The following DMTN variants were observed in gnomAD, a reference collection of about 807,000 sequenced individuals.
The protein encoded by DMTN is dematin actin binding protein, also known as dematin.
In DMTN, 27 loss-of-function variants were observed where a neutral mutation model predicts 59.4. The ratio of observed to expected loss-of-function variants is 0.45; its 90% CI spans 0.33 to 0.63. DMTN has a LOEUF of 0.63. DMTN is among the 20% of genes least tolerant of loss of function. DMTN has a pLI of 0.02. For missense variants in DMTN, 451 were observed against 528.9 expected, an observed-to-expected ratio of 0.85 and a Z score of 1.45; for synonymous variants, 221 against 203.7, an observed-to-expected ratio of 1.08 and a Z score of -0.72.
chr8:22,055,359 A>C (rs1347142488), upstream of DMTN: 1 of 152,276 alleles, frequency 6.6e-6, no homozygotes, highest in Non-Finnish European at 1.5e-5. Context: ...GGTCCGCTGG[A>C]GGGACCGAGA....
At chr8:22,072,249 A>G (rs1243354154) in intron 8 of DMTN, 77 bp from the exon 9 acceptor site, 12 of 1,507,100 alleles carry the variant, frequency 8.0e-6, no homozygotes, top group Non-Finnish European at 1.1e-5. Context: ...AGAGCAGTGC[A>G]CAGAGGCTGT....
chr8:22,078,988 C>G (rs1256428444), intron 10 of DMTN, among the ~76,000 whole-genome samples: 3 of 151,172 alleles, frequency 2.0e-5, no homozygotes, highest in African/African-American at 7.3e-5. Flanking sequence ...TTAGTCGAGA[C>G]GGGGTTTCAC....
rs759940101 is a variant in DMTN at position 22,069,063 on chromosome 8, G to A, written c.294+3G>A. On this transcript the variant is annotated splice_donor_region_variant and intron_variant, in intron 5 of 15. Coordinates refer to ENST00000358242, the MANE Select transcript of DMTN (RefSeq NM_001387751.1). The stretch of plus-strand genomic sequence containing the variant: ...CATCCCCCCCACCATCCCCAGAGGT[G>A]AGTCTGCCCCACACCTGCAACTTGC... The A allele has an allele frequency of 2.5e-6, 4 of 1,611,320 alleles. No homozygotes were observed. In the South Asian group the frequency reaches 3.3e-5, roughly 13 times the overall value.
chr8:22,073,982 C>T, intron 10 of DMTN, 147 bp downstream of exon 10: 1 of 626,422 alleles, frequency 1.6e-6, no homozygotes, highest in Non-Finnish European at 2.8e-6. Flanking sequence ...AGTCATGGAA[C>T]AATGTCAGAT....
In DMTN at chr8:22,080,600, G is replaced by T; in HGVS notation, c.950-18G>T. ...GACCTCAGAGCTGCATCTGACCCAT[G>T]CCCCTTCTCTCCCGCAGGCCTGCAG... On this transcript the variant is annotated intron_variant, in intron 12 of 15. Transcript: ENST00000358242. 6.2e-7 allele frequency: 1 copy of T among 1,610,404 alleles called. No homozygotes were observed. The highest frequency in any genetic ancestry group is 8.5e-7 in the Non-Finnish European group (1 of 1,178,290).
At chr8:22,079,263 TAAATAAATAA>T (rs1389911277) in intron 10 of DMTN, among the ~76,000 whole-genome samples, 3 of 32,978 alleles carry the variant, frequency 9.1e-5, no homozygotes, top group African/African-American at 3.0e-4. Context: ...TAAAAATAAA[TAAATAAATAA>T]ATAAATATAT....
chr8:22,049,944 T>C (rs542637576), upstream of DMTN, among the ~76,000 whole-genome samples: 13 of 152,212 alleles, frequency 8.5e-5, no homozygotes, highest in East Asian at 1.6e-3. Context: ...ACAGTCTCAG[T>C]TGATGGCGAG....
Position 22,067,677 on chromosome 8 carries a change from C to T in DMTN, c.244C>T (p.Arg82Cys), listed in dbSNP as rs748826566. ...GGAACACGTGGAGCTGCCTCGCAGC[C>T]GCGAGGTGAGGGGGCTCCTCTTGGG... Reference protein sequence around the residue: ...LLEHVELPRSRERSLSPKSTS... With the variant: ...LLEHVELPRSCERSLSPKSTS... The change falls in exon 4 of 16, where the codon CGC (arginine) becomes TGC (cysteine). Residue 82 changes from arginine to cysteine, a missense_variant. Transcript: ENST00000358242. 5 of 1,613,782 alleles carry T rather than the reference C, an allele frequency of 3.1e-6. No individual in the cohort carries two copies. Among genetic ancestry groups the T allele is most frequent in the South Asian group, 1.1e-5 (1 of 91,082 alleles).
At chr8:22,070,787 C>T (rs1309338855) in intron 8 of DMTN, among the ~76,000 whole-genome samples, 2 of 152,096 alleles carry the variant, frequency 1.3e-5, no homozygotes, top group Non-Finnish European at 2.9e-5. Flanking sequence ...CTGAATACTG[C>T]ACGTTGTATC....
At chr8:22,078,798 G>GTTTT (rs1224977627) in intron 10 of DMTN, among the ~76,000 whole-genome samples, 1 of 85,090 alleles carries the variant, frequency 1.2e-5, no homozygotes, top group Non-Finnish European at 2.1e-5. Context: ...ATGTCAGACT[G>GTTTT]TTTTTTTTTT....
chr8:22,049,368 G>C (rs1801093136), upstream of DMTN: 1 of 151,336 alleles, frequency 6.6e-6, no homozygotes, highest in Admixed American at 6.6e-5. Flanking sequence ...GCAGCGGCCC[G>C]GCCCGGATGG....
At chr8:22,066,990 G>A (rs1179371773) in intron 2 of DMTN, 95 bp from the exon 3 acceptor site, 5 of 1,276,118 alleles carry the variant, frequency 3.9e-6, no homozygotes, top group Non-Finnish European at 4.0e-6. Flanking sequence ...GCGCAGCGCC[G>A]CGCAGCGCCC....
At chr8:22,075,186 C>CAAAAA (rs201457271) in intron 10 of DMTN, among the ~76,000 whole-genome samples, 2 of 131,324 alleles carry the variant, frequency 1.5e-5, no homozygotes, top group African/African-American at 2.8e-5. Context: ...GACTCTGTCT[C>CAAAAA]AAAAAAAAAA....
intron 10 of DMTN, among the ~76,000 whole-genome samples, chr8:22,075,670 C>T (rs1410295872): frequency 1.3e-5 from 2 of 152,058 alleles, no homozygotes; most frequent in African/African-American, 4.8e-5. Context: ...AGGCACACAC[C>T]ACCATGCCCA....
At position 22,067,577 on chromosome 8, in the gene DMTN, C is replaced by T. The variant is rs1250240503; in HGVS notation, c.144C>T (p.Pro48=). ...GCTACAAGGACCTGGCTGCCATCCC[C>T]AAGGACAAGGCCATCCTGGACATCG... ...VLGYKDLAAI[P]KDKAILDIER... is the part of the protein sequence containing the mutation. The change falls in exon 4 of 16, where the codon CCC becomes CCT. Residue 48 remains proline (P), a synonymous_variant. Coordinates refer to ENST00000358242, the MANE Select transcript of DMTN (RefSeq NM_001387751.1). The T allele has an allele frequency of 5.6e-6, 9 of 1,614,210 alleles. No individual in the cohort carries two copies. The highest frequency in any genetic ancestry group is 6.8e-6 in the Non-Finnish European group (8 of 1,180,036).
chr8:22,069,151 A>G, intron 5 of DMTN, 91 bp downstream of exon 5: 1 of 1,443,136 alleles, frequency 6.9e-7, no homozygotes, highest in Non-Finnish European at 9.5e-7. Context: ...AGCTCTGCAG[A>G]GCCCAGGGAG....
At chr8:22,076,174 G>A (rs149180777) in intron 10 of DMTN, among the ~76,000 whole-genome samples, 7 of 152,226 alleles carry the variant, frequency 4.6e-5, no homozygotes, top group African/African-American at 7.2e-5. Flanking sequence ...GGTTTGAAGT[G>A]CCCCATGTAC....
upstream of DMTN, among the ~76,000 whole-genome samples, chr8:22,051,927 G>T (rs1801392891): frequency 6.6e-6 from 1 of 152,166 alleles, no homozygotes; most frequent in Non-Finnish European, 1.5e-5. Flanking sequence ...CTCCTGTCCA[G>T]CCCTGTCCAG....
At chr8:22,067,892 A>C (rs1812111204) in intron 4 of DMTN, among the ~76,000 whole-genome samples, 3 of 152,224 alleles carry the variant, frequency 2.0e-5, no homozygotes, top group Admixed American at 1.3e-4. Context: ...TCAGATGTAG[A>C]GGGGTGGACA....
Sources: gnomAD v4.1 joint callset for allele counts (sites outside exome capture counted in the v4.1 genomes callset) on GRCh38, gnomAD v4.1.1 for gene constraint, MANE v1.5 for transcripts, NCBI Gene and HGNC (gene_info 2026-07-23, HGNC 2026-07-21) for gene names.